The following GRIP1 variants were observed in gnomAD, a reference collection of about 807,000 sequenced individuals.
GRIP1 encodes glutamate receptor-interacting protein 1.
GRIP1 carries 45 observed loss-of-function variants against 129.9 expected under a neutral mutation model. The observed-to-expected ratio is 0.35, with a 90% confidence interval of 0.27 to 0.44. GRIP1 has a LOEUF of 0.44. GRIP1 is among the 20% of genes least tolerant of loss of function. The probability of loss-of-function intolerance (pLI) is 1.00; values close to 1 mark genes in which losing one functional copy is unlikely to be tolerated. For missense variants in GRIP1, 1,196 were observed against 1,396.8 expected (o/e 0.86, Z 2.29); for synonymous variants, 530 against 520.8 (o/e 1.02, Z -0.24).
intron 1 of GRIP1, among the ~76,000 whole-genome samples, chr12:66,779,826 G>T (rs953127002): frequency 6.6e-6 from 1 of 152,184 alleles, no homozygotes; most frequent in Non-Finnish European, 1.5e-5. Context: ...GAGAATGATG[G>T]GGAAGCTACT....
intron 1 of GRIP1, among the ~76,000 whole-genome samples, chr12:66,699,042 A>T (rs2035260857): frequency 6.6e-6 from 1 of 151,904 alleles, no homozygotes; most frequent in African/African-American, 2.4e-5. Context: ...TTCTCACATC[A>T]TCCAGCCCTC....
chr12:66,869,300 C>T (rs2040256598), intron 1 of GRIP1, among the ~76,000 whole-genome samples: 1 of 152,028 alleles, frequency 6.6e-6, no homozygotes, highest in Admixed American at 6.6e-5. Context: ...GGGGGAAATA[C>T]TGCTTCACTC....
intron 1 of GRIP1, among the ~76,000 whole-genome samples, chr12:66,777,959 T>C (rs894071651): frequency 1.3e-5 from 2 of 152,164 alleles, no homozygotes; most frequent in Admixed American, 6.5e-5. Context: ...TAGCCACTCA[T>C]AGCTAATGAG....
intron 13 of GRIP1, among the ~76,000 whole-genome samples, chr12:66,437,718 TA>T (rs2058353203): frequency 6.6e-6 from 1 of 152,232 alleles, no homozygotes. Context: ...ATTGTGCTGG[TA>T]ATTTGACAAC....
intron 22 of GRIP1, among the ~76,000 whole-genome samples, chr12:66,375,797 T>G (rs1199575913): frequency 5.3e-5 from 8 of 152,254 alleles, no homozygotes; most frequent in African/African-American, 1.9e-4. Context: ...TTTACATCAT[T>G]TTCTTTTTGC....
At chr12:66,607,012 AGAAAGAG>A (rs1232718413) in intron 1 of GRIP1, among the ~76,000 whole-genome samples, 3 of 139,770 alleles carry the variant, frequency 2.1e-5, no homozygotes, top group Non-Finnish European at 4.6e-5. Flanking sequence ...AGAGAGAGAG[AGAAAGAG>A]AGAGAGTGTG....
chr12:66,815,850 TTCTTTCTC>T (rs1344922011), intron 1 of GRIP1, among the ~76,000 whole-genome samples: 37 of 65,416 alleles, frequency 5.7e-4, no homozygotes, highest in Admixed American at 7.8e-4. Flanking sequence ...CTTTCTTTCT[TTCTTTCTC>T]TCTCTCTCTC....
At chr12:66,739,210 T>A (rs959292531) in intron 1 of GRIP1, among the ~76,000 whole-genome samples, 1 of 152,142 alleles carries the variant, frequency 6.6e-6, no homozygotes, top group Non-Finnish European at 1.5e-5. Flanking sequence ...TGAGTACTTA[T>A]GAATATACCA....
intron 1 of GRIP1, among the ~76,000 whole-genome samples, chr12:66,888,648 C>T (rs2040606569): frequency 6.6e-6 from 1 of 152,196 alleles, no homozygotes; most frequent in Non-Finnish European, 1.5e-5. Flanking sequence ...CAGGCATGAG[C>T]CACCTTGCCC....
intron 1 of GRIP1, among the ~76,000 whole-genome samples, chr12:66,746,441 C>T (rs1274417565): frequency 6.6e-6 from 1 of 152,138 alleles, no homozygotes; most frequent in Non-Finnish European, 1.5e-5. Flanking sequence ...ATCTGCAGTT[C>T]ATTAAGAGCC....
intron 1 of GRIP1, among the ~76,000 whole-genome samples, chr12:66,814,473 T>C (rs1566036077): frequency 6.6e-6 from 1 of 152,098 alleles, no homozygotes; most frequent in Non-Finnish European, 1.5e-5. Context: ...GGTAGAACTG[T>C]CCTTTTTATT....
chr12:67,058,757 G>A (rs371351298), intron 1 of GRIP1, among the ~76,000 whole-genome samples: 9 of 152,304 alleles, frequency 5.9e-5, no homozygotes, highest in African/African-American at 2.2e-4. Context: ...CAAAACATAA[G>A]AAGAGTCCAC....
intron 1 of GRIP1, among the ~76,000 whole-genome samples, chr12:66,656,067 A>G (rs897086711): frequency 7.9e-5 from 12 of 152,216 alleles, no homozygotes; most frequent in African/African-American, 2.9e-4. Context: ...AACTCTGAGT[A>G]TAAATTTTTT....
intron 2 of GRIP1, among the ~76,000 whole-genome samples, chr12:66,545,563 C>T (rs2061923142): frequency 6.6e-6 from 1 of 152,116 alleles, no homozygotes; most frequent in Non-Finnish European, 1.5e-5. Context: ...TATATGAAGA[C>T]AACTTTAAAG....
chr12:66,419,056 G>A (rs986629608), intron 15 of GRIP1, among the ~76,000 whole-genome samples: 4 of 152,094 alleles, frequency 2.6e-5, no homozygotes, highest in Non-Finnish European at 5.9e-5. Context: ...TGTCCACTGA[G>A]AGATAAATGG....
rs1386135719 is a variant in GRIP1 at position 67,024,622 on chromosome 12, A to G, written c.58+44428T>C. Among the ~76,000 whole-genome samples, 3 of 152,342 alleles carry G rather than the reference A, an allele frequency of 2.0e-5. No individual in the cohort carries two copies. The East Asian group carries it at 5.8e-4, about 29-fold the overall frequency. ...ACCATCTTATTTGTGTTCTAAATGC[A>G]AAGTCTAAATTATAAATTGTAGATA... On this transcript the variant is annotated intron_variant, in intron 1 of 1. Transcript: ENST00000643019.
At chr12:66,373,623 T>G (rs1029657191) in intron 22 of GRIP1, among the ~76,000 whole-genome samples, 9 of 152,226 alleles carry the variant, frequency 5.9e-5, no homozygotes, top group Non-Finnish European at 1.0e-4. Flanking sequence ...AGCCAAGTGT[T>G]GGCACACATG....
chr12:66,620,415 G>A (rs1045362898), intron 1 of GRIP1, among the ~76,000 whole-genome samples: 1 of 152,104 alleles, frequency 6.6e-6, no homozygotes, highest in Non-Finnish European at 1.5e-5. Flanking sequence ...TTTCAGCCAT[G>A]AGTGGAGCAA....
At chr12:66,577,995 T>A (rs1460511957) in intron 2 of GRIP1, among the ~76,000 whole-genome samples, 1 of 152,136 alleles carries the variant, frequency 6.6e-6, no homozygotes, top group African/African-American at 2.4e-5. Flanking sequence ...AACATTTTCT[T>A]GAATTTAAGG....
Sources: allele counts gnomAD v4.1 joint callset (sites outside exome capture counted in the v4.1 genomes callset), GRCh38; gene constraint gnomAD v4.1.1; transcripts MANE v1.5; gene names NCBI Gene and HGNC (gene_info 2026-07-23, HGNC 2026-07-21).